Variants in SRBD1 observed in about 807,000 individuals in gnomAD.
SRBD1 encodes the protein S1 RNA-binding domain-containing protein 1.
SRBD1 carries 88 observed loss-of-function variants against 115.3 expected under a neutral mutation model. That is an observed-to-expected ratio of 0.76 (90% CI 0.64 to 0.91). SRBD1 has a LOEUF of 0.91. Among genes scored for constraint, SRBD1 ranks in the 40% least tolerant of loss-of-function variants. The pLI is 0.00. For missense variants in SRBD1, 1,385 were observed against 1,177.4 expected (o/e 1.18, Z -2.58); for synonymous variants, 509 against 407.7 (o/e 1.25, Z -2.99).
chr2:45,464,438 C>T (rs368927604), intron 16 of SRBD1, among the ~76,000 whole-genome samples: 22 of 152,286 alleles, frequency 1.4e-4, no homozygotes, highest in African/African-American at 5.1e-4. Flanking sequence ...AGACATTTCA[C>T]GTCCTCAGAT....
intron 7 of SRBD1, among the ~76,000 whole-genome samples, chr2:45,578,967 A>C (rs1421027687): frequency 6.6e-6 from 1 of 152,208 alleles, no homozygotes; most frequent in African/African-American, 2.4e-5. Context: ...TGTATATCAA[A>C]ACATCATGTT....
In SRBD1 at chr2:45,551,221, G is replaced by C. The variant is rs375744439; in HGVS notation, c.1579C>G (p.Gln527Glu). ...SVMMFGRNLR[Q>E]LLLTSPVPGR... ...GGAACAGGGCTTGTTAAAAGGAGCT[G>C]ACGAAGGTTCCGTCCAAACATCATT... Residue 527 changes from glutamine (Q) to glutamate (E), a missense_variant, in exon 12 of 21, where the codon CAG becomes GAG. By Grantham distance (29) the Gln-to-Glu change is conservative. Transcript: ENST00000263736. 1.9e-6 allele frequency: 3 copies of C among 1,613,138 alleles called. No individual in the cohort carries two copies. The highest frequency in any genetic ancestry group is 2.5e-6 in the Non-Finnish European group (3 of 1,179,836).
At chr2:45,580,881 C>T (rs1480746780) in intron 6 of SRBD1, among the ~76,000 whole-genome samples, 6 of 151,198 alleles carry the variant, frequency 4.0e-5, no homozygotes, top group Admixed American at 4.0e-4. Flanking sequence ...GACGGGGTTT[C>T]ACCATCTTGG....
chr2:45,396,261 T>G (rs923367457), intron 19 of SRBD1, among the ~76,000 whole-genome samples: 1 of 152,222 alleles, frequency 6.6e-6, no homozygotes, highest in Admixed American at 6.5e-5. Context: ...GTGCTATATT[T>G]GGTTAGGAAA....
chr2:45,459,737 T>C (rs1669259156), intron 16 of SRBD1, among the ~76,000 whole-genome samples: 1 of 152,196 alleles, frequency 6.6e-6, no homozygotes, highest in Admixed American at 6.5e-5. Context: ...CCTTATCTTA[T>C]TTTCCAAGAA....
chr2:45,394,811 G>C (rs952326680), intron 19 of SRBD1, among the ~76,000 whole-genome samples: 1 of 152,204 alleles, frequency 6.6e-6, no homozygotes, highest in Non-Finnish European at 1.5e-5. Flanking sequence ...ATTCTCTTGA[G>C]AATGTATTTT....
intron 8 of SRBD1, among the ~76,000 whole-genome samples, chr2:45,574,359 A>G (rs563045760): frequency 6.6e-6 from 1 of 152,218 alleles, no homozygotes; most frequent in East Asian, 1.9e-4. Flanking sequence ...AATGGTTTTT[A>G]AACTCATCAG....
intron 14 of SRBD1, among the ~76,000 whole-genome samples, chr2:45,518,077 T>C (rs978209763): frequency 6.6e-6 from 1 of 152,256 alleles, no homozygotes; most frequent in East Asian, 1.9e-4. Context: ...GCAGGCTTTT[T>C]TTCCCCTTAA....
intron 7 of SRBD1, among the ~76,000 whole-genome samples, chr2:45,578,536 T>C (rs903754211): frequency 6.6e-6 from 1 of 152,208 alleles, no homozygotes; most frequent in Non-Finnish European, 1.5e-5. Flanking sequence ...AAATCACAAA[T>C]TCACATTTGC....
chr2:45,455,132 G>A (rs965196), intron 16 of SRBD1, among the ~76,000 whole-genome samples: 17,764 of 151,788 alleles, frequency 0.12, 1,092 homozygotes, highest in East Asian at 0.19. Flanking sequence ...AAAAGTTAAT[G>A]AAGGACATGA....
chr2:45,421,286 T>G (rs1210641398), intron 16 of SRBD1, among the ~76,000 whole-genome samples: 1 of 151,672 alleles, frequency 6.6e-6, no homozygotes, highest in Non-Finnish European at 1.5e-5. Context: ...GGTGGGCGGA[T>G]CACGAGCTCA....
At chr2:45,468,470 CT>C (rs972059814) in intron 16 of SRBD1, among the ~76,000 whole-genome samples, 4 of 151,884 alleles carry the variant, frequency 2.6e-5, no homozygotes, top group Admixed American at 1.3e-4. Context: ...ACAATGCAGC[CT>C]TTATCTTCCG....
At position 45,527,074 on chromosome 2, in the gene SRBD1, T is replaced by C. The variant is rs115266458; in HGVS notation, c.1874+19658A>G. Among the ~76,000 whole-genome samples the C allele has an allele frequency of 2.5e-3, 380 of 152,064 alleles. 3 individuals are homozygous for C. Among genetic ancestry groups the C allele is most frequent in the South Asian group, 0.015 (71 of 4,832 alleles). On this transcript the variant is annotated intron_variant, in intron 14 of 20. Coordinates refer to ENST00000263736, the MANE Select transcript of SRBD1 (RefSeq NM_018079.5). ...AAATGTAGCTTTAATCTGAAAAGCA[T>C]ACCTTTTATTTTTTATATCTTCCAT...
intron 18 of SRBD1, among the ~76,000 whole-genome samples, chr2:45,414,784 ACATAGTGTGTATATAGTATG>A (rs1667744304): frequency 7.5e-6 from 1 of 133,066 alleles, no homozygotes; most frequent in Non-Finnish European, 1.6e-5. Context: ...GTACACACAC[ACATAGTGTGTATATAGTATG>A]TACACACACA....
chr2:45,414,598 T>C (rs115396341), intron 18 of SRBD1, among the ~76,000 whole-genome samples: 2 of 145,094 alleles, frequency 1.4e-5, no homozygotes, highest in African/African-American at 5.2e-5. Context: ...TGTGTACACA[T>C]AGTGTGTATA....
chr2:45,541,661 G>A (rs1671943026), intron 14 of SRBD1, among the ~76,000 whole-genome samples: 1 of 152,148 alleles, frequency 6.6e-6, no homozygotes, highest in South Asian at 2.1e-4. Context: ...CTTTCTGCAG[G>A]CAGGTTATCC....
At chr2:45,460,179 T>C (rs1669271400) in intron 16 of SRBD1, among the ~76,000 whole-genome samples, 1 of 152,230 alleles carries the variant, frequency 6.6e-6, no homozygotes, top group Non-Finnish European at 1.5e-5. Flanking sequence ...TCTAGCTGAC[T>C]GGGCTGGATG....
At chr2:45,486,609 T>A (rs1467129863) in intron 15 of SRBD1, among the ~76,000 whole-genome samples, 2 of 151,958 alleles carry the variant, frequency 1.3e-5, no homozygotes, top group African/African-American at 4.8e-5. Flanking sequence ...GGCAGGCGCC[T>A]GTAGTCCCAG....
intron 16 of SRBD1, 101 bp from the exon 17 acceptor site, chr2:45,419,995 T>C: frequency 2.8e-6 from 3 of 1,059,662 alleles, no homozygotes; most frequent in South Asian, 1.4e-5. Flanking sequence ...ACACACACCA[T>C]GGTAAATTTC....
Sources: allele counts gnomAD v4.1 joint callset (sites outside exome capture counted in the v4.1 genomes callset), GRCh38; gene constraint gnomAD v4.1.1; transcripts MANE v1.5; gene names NCBI Gene and HGNC (gene_info 2026-07-23, HGNC 2026-07-21).